The following ROBO2 variants were observed in gnomAD, a reference collection of about 807,000 sequenced individuals.
ROBO2 encodes roundabout homolog 2.
Under a neutral mutation model 160.8 loss-of-function variants are expected in ROBO2, and 53 were observed. That is an observed-to-expected ratio of 0.33 (90% CI 0.26 to 0.41). The LOEUF (loss-of-function observed/expected upper bound fraction) is 0.41, where lower values mean the gene tolerates loss of function less well. ROBO2 is among the 10% of genes least tolerant of loss of function. The pLI is 1.00. For synonymous variants in ROBO2, 664 were observed against 611.7 expected (o/e 1.09, Z -1.26); for missense variants, 1,577 against 1,722.4 (o/e 0.92, Z 1.49).
At chr3:76,303,513 T>A (rs1161475064) in intron 2 of ROBO2, among the ~76,000 whole-genome samples, 4 of 152,100 alleles carry the variant, frequency 2.6e-5, no homozygotes, top group Admixed American at 2.6e-4. Flanking sequence ...ACCCAGGTCC[T>A]ACACACAACT....
At chr3:76,503,904 T>G (rs933053719) in intron 2 of ROBO2, among the ~76,000 whole-genome samples, 3 of 152,220 alleles carry the variant, frequency 2.0e-5, no homozygotes, top group Non-Finnish European at 2.9e-5. Context: ...AATAATTCAC[T>G]GAACGTGTCT....
intron 2 of ROBO2, among the ~76,000 whole-genome samples, chr3:76,604,454 T>A (rs2087481042): frequency 6.6e-6 from 1 of 152,178 alleles, no homozygotes; most frequent in Admixed American, 6.5e-5. Context: ...ATCATAAATT[T>A]AATTTTATAT....
At chr3:76,281,139 T>C (rs1171378862) in intron 2 of ROBO2, among the ~76,000 whole-genome samples, 2 of 151,748 alleles carry the variant, frequency 1.3e-5, no homozygotes, top group South Asian at 2.1e-4. Context: ...TGCCCATCTG[T>C]AGAGAAATGC....
chr3:76,589,977 A>C (rs17014431), intron 2 of ROBO2, among the ~76,000 whole-genome samples: 14,844 of 152,232 alleles, frequency 0.098, 961 homozygotes, highest in East Asian at 0.28. Flanking sequence ...CAGGAGAGTA[A>C]CAATTAAATG....
At chr3:76,262,937 C>T (rs1228542944) in intron 2 of ROBO2, among the ~76,000 whole-genome samples, 1 of 152,120 alleles carries the variant, frequency 6.6e-6, no homozygotes, top group Non-Finnish European at 1.5e-5. Flanking sequence ...TATATAAAAT[C>T]TCTTGGCTGT....
intron 2 of ROBO2, among the ~76,000 whole-genome samples, chr3:76,276,312 A>G (rs993286249): frequency 4.6e-5 from 7 of 152,076 alleles, no homozygotes; most frequent in Admixed American, 6.6e-5. Flanking sequence ...AATATGATAG[A>G]TATTAGCCAC....
At chr3:77,207,179 C>A (rs1346397994) in intron 2 of ROBO2, among the ~76,000 whole-genome samples, 1 of 152,168 alleles carries the variant, frequency 6.6e-6, no homozygotes, top group African/African-American at 2.4e-5. Flanking sequence ...GTTTTTCTCA[C>A]TTACCACTTA....
Position 76,636,164 on chromosome 3 carries a change from T to C in ROBO2, c.110-461850T>C, listed in dbSNP as rs373197418. ...ATCACTTATCCTCATTCTCTCCTAC[T>C]AAACGTTAGAAATATTGCATAAATT... On this transcript the variant is annotated intron_variant, in intron 2 of 26. Coordinates refer to the ROBO2 transcript ENST00000487694. 7.4e-4 allele frequency among the ~76,000 whole-genome samples: 112 copies of C among 152,308 alleles called. 1 individual carries two copies. In the South Asian group the frequency reaches 8.3e-3, roughly 11 times the overall value.
chr3:77,187,373 G>C (rs536308267), intron 2 of ROBO2, among the ~76,000 whole-genome samples: 2 of 151,782 alleles, frequency 1.3e-5, no homozygotes, highest in Admixed American at 6.6e-5. Flanking sequence ...TATCCCAAAG[G>C]CCCAACATCC....
At chr3:76,732,236 G>T (rs2093648381) in intron 2 of ROBO2, among the ~76,000 whole-genome samples, 1 of 152,062 alleles carries the variant, frequency 6.6e-6, no homozygotes, top group African/African-American at 2.4e-5. Flanking sequence ...TAAGAGTATG[G>T]GGAAGTCTTA....
intron 2 of ROBO2, among the ~76,000 whole-genome samples, chr3:76,806,744 C>A (rs190040331): frequency 2.7e-3 from 409 of 152,048 alleles, no homozygotes; most frequent in Non-Finnish European, 4.1e-3. Context: ...AAATAATAAG[C>A]TTTTGTTTGT....
chr3:77,211,025 C>A (rs373529677), intron 2 of ROBO2, among the ~76,000 whole-genome samples: 1 of 152,024 alleles, frequency 6.6e-6, no homozygotes, highest in African/African-American at 2.4e-5. Context: ...TCTTTGCTAT[C>A]GTGAATAGTG....
At chr3:77,615,819 A>G (rs1482314883) in intron 21 of ROBO2, among the ~76,000 whole-genome samples, 1 of 152,220 alleles carries the variant, frequency 6.6e-6, no homozygotes, top group African/African-American at 2.4e-5. Context: ...TTTTATGATA[A>G]ATTCAGCTTT....
At chr3:76,995,230 G>C (rs1395921349) in intron 2 of ROBO2, among the ~76,000 whole-genome samples, 1 of 151,772 alleles carries the variant, frequency 6.6e-6, no homozygotes, top group African/African-American at 2.4e-5. Flanking sequence ...ATAGTTTGCT[G>C]AGAATGATGG....
intron 2 of ROBO2, among the ~76,000 whole-genome samples, chr3:77,026,970 C>T (rs1158388352): frequency 6.6e-6 from 1 of 152,086 alleles, no homozygotes; most frequent in African/African-American, 2.4e-5. Context: ...ATTAAAGCAA[C>T]AGGTTTTTAG....
At chr3:76,927,479 T>C (rs1237906923) in intron 2 of ROBO2, among the ~76,000 whole-genome samples, 1 of 152,214 alleles carries the variant, frequency 6.6e-6, no homozygotes, top group East Asian at 1.9e-4. Context: ...TTGACATTTC[T>C]GATTATTTCT....
intron 2 of ROBO2, among the ~76,000 whole-genome samples, chr3:76,345,816 A>C (rs2074497526): frequency 6.6e-6 from 1 of 152,100 alleles, no homozygotes; most frequent in Non-Finnish European, 1.5e-5. Flanking sequence ...CCTTTCATAT[A>C]TTTAATTTTC....
intron 2 of ROBO2, among the ~76,000 whole-genome samples, chr3:76,898,400 C>T (rs774468058): frequency 6.6e-6 from 1 of 152,014 alleles, no homozygotes; most frequent in Non-Finnish European, 1.5e-5. Context: ...AAAAGACTTA[C>T]TCTTAAGATG....
chr3:76,689,588 C>A (rs1037604622), intron 2 of ROBO2, among the ~76,000 whole-genome samples: 2 of 152,048 alleles, frequency 1.3e-5, no homozygotes, highest in Admixed American at 1.3e-4. Flanking sequence ...CCTCTCCCAT[C>A]CCCCAAAAAA....
Sources: gnomAD v4.1 joint callset for allele counts (sites outside exome capture counted in the v4.1 genomes callset) on GRCh38, gnomAD v4.1.1 for gene constraint, MANE v1.5 for transcripts, NCBI Gene and HGNC (gene_info 2026-07-23, HGNC 2026-07-21) for gene names.